The following TMPRSS6 variants were observed in gnomAD, a reference collection of about 807,000 sequenced individuals.
The protein encoded by TMPRSS6 is transmembrane serine protease 6, also known as transmembrane protease serine 6.
A neutral mutation model predicts 101.5 loss-of-function variants in TMPRSS6; 67 were observed. That is an observed-to-expected ratio of 0.66 (90% CI 0.54 to 0.81). TMPRSS6 has a LOEUF of 0.81. Ranked by LOEUF, TMPRSS6 falls within the 30% of genes least tolerant of loss-of-function variation. The pLI is 0.00. For missense variants in TMPRSS6, 1,034 were observed against 1,088.7 expected (o/e 0.95, Z 0.71); for synonymous variants, 453 against 464.9 (o/e 0.97, Z 0.33).
At chr22:37,070,878 C>T in intron 14 of TMPRSS6, 38 bp downstream of exon 14, 1 of 1,596,864 alleles carries the variant, frequency 6.3e-7, no homozygotes, top group Non-Finnish European at 8.6e-7. Context: ...CCCCCTCCCT[C>T]CCAAGCTCCA....
At chr22:37,080,841 T>G (rs568550625) in intron 10 of TMPRSS6, among the ~76,000 whole-genome samples, 158 of 152,360 alleles carry the variant, frequency 1.0e-3, no homozygotes, top group Non-Finnish European at 1.7e-3. Context: ...TGGCTGGGGA[T>G]GCCTTGGCTG....
chr22:37,106,380 G>GC, intron 1 of TMPRSS6, among the ~76,000 whole-genome samples: 1 of 152,112 alleles, frequency 6.6e-6, no homozygotes, highest in Middle Eastern at 3.4e-3. Flanking sequence ...TGCTTGGTGG[G>GC]CCTCCCCTCC....
rs117460748 is a variant in TMPRSS6 at position 37,109,304 on chromosome 22, G to C, written c.-2+199C>G. The C allele has an allele frequency of 3.8e-3, 582 of 152,844 alleles. 5 individuals are homozygous for C. The highest frequency in any genetic ancestry group is 7.1e-3 in the Non-Finnish European group (484 of 68,312). 9.5% of individuals were successfully genotyped at this position (152,844 alleles called of 1,614,324 possible). On this transcript the variant is annotated intron_variant, in intron 1 of 17. Transcript: ENST00000676104. ...CCACACACCTGGTGTCACCCTGCGTGGTCCCTCCCCTCCCCAGCTCTGTGG... is the reference window on the plus strand; with the variant it reads ...CCACACACCTGGTGTCACCCTGCGTCGTCCCTCCCCTCCCCAGCTCTGTGG...
rs150548971 is a variant in TMPRSS6, at chr22:37,071,171, G to T, written c.1556-139C>A. ...AGAGTCTTTTCCTGAGTCTCCTTTA[G>T]GGTCTCCTAAAAGCAGGCCATGTCC... On this transcript the variant is annotated intron_variant, in intron 13 of 17. Coordinates refer to ENST00000676104, the MANE Select transcript of TMPRSS6 (RefSeq NM_001374504.1). 3.2e-5 allele frequency: 25 copies of T among 770,790 alleles called. No individual in the cohort carries two copies. The African/African-American group carries it at 4.3e-4, about 13-fold the overall frequency. The allele number at this position is 770,790 out of a possible 1,614,324, so 47.7% of individuals were successfully genotyped here.
intron 2 of TMPRSS6, among the ~76,000 whole-genome samples, chr22:37,099,314 G>C (rs576021672): frequency 6.6e-6 from 1 of 152,366 alleles, no homozygotes; most frequent in East Asian, 1.9e-4. Flanking sequence ...TGTTTGGCTG[G>C]AGCAGTCAGA....
intron 14 of TMPRSS6, 51 bp from the exon 15 acceptor site, chr22:37,070,703 G>A: frequency 6.4e-7 from 1 of 1,571,856 alleles, no homozygotes; most frequent in Non-Finnish European, 8.7e-7. Flanking sequence ...GGGAAGGGGA[G>A]AAGCAGACAG....
chr22:37,100,104 A>C (rs1465757793), intron 2 of TMPRSS6, among the ~76,000 whole-genome samples: 2 of 152,154 alleles, frequency 1.3e-5, no homozygotes, highest in Non-Finnish European at 2.9e-5. Context: ...AGTAGCTGGG[A>C]TTACAGGCAT....
chr22:37,073,353 TGG>T (rs1421626203), intron 13 of TMPRSS6, among the ~76,000 whole-genome samples, 177 bp downstream of exon 13: 17 of 141,208 alleles, frequency 1.2e-4, no homozygotes, highest in African/African-American at 4.2e-4. Flanking sequence ...AGAAGATGGA[TGG>T]ATGGATGGAT....
Position 37,073,558 on chromosome 22 carries a change from C to A in TMPRSS6, c.1529G>T (p.Gly510Val), listed in dbSNP as rs765498496. The A allele has an allele frequency of 6.2e-7, 1 of 1,613,822 alleles. No homozygotes were observed. Among genetic ancestry groups the A allele is most frequent in the Non-Finnish European group, 8.5e-7 (1 of 1,179,744 alleles). The part of the protein sequence containing the change: ...VCDGQPDCLN[G>V]SDEEQCQEGV... ...TTCCTGGCACTGCTCTTCGTCGCTG[C>A]CGTTGAGACAATCAGGCTGCCCATC... The change falls in exon 13 of 18, where the codon GGC (glycine) becomes GTC (valine). Residue 510 changes from glycine (G) to valine (V), a missense_variant. Gly to Val is a moderately radical substitution (Grantham distance 109). Coordinates refer to ENST00000676104, the MANE Select transcript of TMPRSS6 (RefSeq NM_001374504.1).
intron 10 of TMPRSS6, among the ~76,000 whole-genome samples, chr22:37,082,312 A>G (rs1928333031): frequency 6.6e-6 from 1 of 152,162 alleles, no homozygotes; most frequent in African/African-American, 2.4e-5. Context: ...CAACCCCTGA[A>G]TGCTGGGGCC....
Position 37,065,919 on chromosome 22 carries a change from A to T in TMPRSS6, c.*161T>A. ...GGCACTTCTCCATCCTCCTGCCATC[A>T]CTGGAGCAGACATCAGGGACGAGAC... On this transcript the variant is annotated 3_prime_UTR_variant, in exon 18 of 18. Coordinates refer to ENST00000676104, the MANE Select transcript of TMPRSS6 (RefSeq NM_001374504.1). 1.1e-6 allele frequency: 1 copy of T among 896,966 alleles called. No homozygotes were observed. The highest frequency in any genetic ancestry group is 1.6e-5 in the South Asian group (1 of 61,966). The allele number at this position is 896,966 out of a possible 1,614,324, so 55.6% of individuals were successfully genotyped here. A position where few individuals can be genotyped will look rare whatever the true frequency, so the allele number is the denominator to read the frequency against.
chr22:37,074,647 GACC>G lies in TMPRSS6; in HGVS notation c.1401_1403del (p.Val468del), dbSNP rs1927449254. ...CATCCAGGCCGTTGGGGCAGTCCTT[GACC>G]CCATCACAGGCAGGGACACAGAGTC... On this transcript the variant is annotated inframe_deletion, in exon 12 of 18. Coordinates refer to ENST00000676104, the MANE Select transcript of TMPRSS6 (RefSeq NM_001374504.1). The G allele has an allele frequency of 6.2e-7, 1 of 1,614,084 alleles. No homozygotes were observed. The highest frequency in any genetic ancestry group is 8.5e-7 in the Non-Finnish European group (1 of 1,180,036).
upstream of TMPRSS6, among the ~76,000 whole-genome samples, chr22:37,109,781 C>T (rs529185362): frequency 1.8e-4 from 27 of 152,368 alleles, no homozygotes; most frequent in South Asian, 1.9e-3. Flanking sequence ...CCCCCACCCC[C>T]GCATGGGCAC....
At chr22:37,081,128 G>A (rs1309329811) in intron 10 of TMPRSS6, among the ~76,000 whole-genome samples, 1 of 152,230 alleles carries the variant, frequency 6.6e-6, no homozygotes, top group African/African-American at 2.4e-5. Context: ...TCCTCGCTGG[G>A]TTGTTGAGGC....
chr22:37,068,470 G>A (rs749225101), intron 16 of TMPRSS6: 6 of 639,562 alleles, frequency 9.4e-6, no homozygotes, highest in African/African-American at 1.8e-5. Flanking sequence ...AAAACTGTGC[G>A]GTGGCCGCCA....
Position 37,103,098 on chromosome 22 carries a change from T to C in TMPRSS6, c.202+118A>G. On this transcript the variant is annotated intron_variant, in intron 2 of 17. Transcript: ENST00000676104. This position sits in a 1 kb window ranked among gnomAD's most constrained non-coding sequence, Gnocchi z 4.4. ...GAGAACAGAAGTGACTTGCCCAAGGTCACACAGCAATATGCTAAGCACGGC... is the reference window on the plus strand; with the variant it reads ...GAGAACAGAAGTGACTTGCCCAAGGCCACACAGCAATATGCTAAGCACGGC... 9.2e-7 allele frequency: 1 copy of C among 1,091,048 alleles called. No individual in the cohort carries two copies. Among genetic ancestry groups the C allele is most frequent in the Non-Finnish European group, 1.4e-6 (1 of 733,584 alleles). The allele number at this position is 1,091,048 out of a possible 1,614,324, so 67.6% of individuals were successfully genotyped here.
At chr22:37,070,736 A>G (rs1167495308) in intron 14 of TMPRSS6, 84 bp from the exon 15 acceptor site, 3 of 1,472,846 alleles carry the variant, frequency 2.0e-6, no homozygotes, top group Middle Eastern at 1.9e-4. Flanking sequence ...AAGGAAAGAG[A>G]TGGAGAGACA....
chr22:37,100,558 G>T (rs1272413584), intron 2 of TMPRSS6, among the ~76,000 whole-genome samples: 1 of 152,194 alleles, frequency 6.6e-6, no homozygotes, highest in Admixed American at 6.5e-5. Context: ...AAGGAGTAAG[G>T]GGAAGGTGCC....
intron 7 of TMPRSS6, among the ~76,000 whole-genome samples, chr22:37,087,916 T>C (rs1928915062): frequency 6.6e-6 from 1 of 152,132 alleles, no homozygotes; most frequent in Non-Finnish European, 1.5e-5. Context: ...CCACCTGCTC[T>C]GTCTTCCCAT....
Sources: gnomAD v4.1 joint callset for allele counts (sites outside exome capture counted in the v4.1 genomes callset) on GRCh38, gnomAD v4.1.1 for gene constraint, Gnocchi (gnomAD v3.1) non-coding constraint, MANE v1.5 for transcripts, NCBI Gene and HGNC (gene_info 2026-07-23, HGNC 2026-07-21) for gene names.